Variants in ROBO1 observed in about 807,000 individuals in gnomAD.
ROBO1 encodes roundabout guidance receptor 1.
A neutral mutation model predicts 195.9 loss-of-function variants in ROBO1; 149 were observed. The ratio of observed to expected loss-of-function variants is 0.76; its 90% CI spans 0.67 to 0.87. The LOEUF is 0.87. Ranked by LOEUF, ROBO1 falls within the 40% of genes least tolerant of loss-of-function variation. The pLI, the probability that ROBO1 is intolerant of heterozygous loss-of-function variation, is 0.00. For missense variants in ROBO1, 1,933 were observed against 2,068.3 expected (o/e 0.93, Z 1.27); for synonymous variants, 816 against 733.2 (o/e 1.11, Z -1.82).
chr3:78,790,352 T>C (rs561658044), intron 4 of ROBO1, among the ~76,000 whole-genome samples: 1 of 152,296 alleles, frequency 6.6e-6, no homozygotes, highest in South Asian at 2.1e-4. Context: ...TAGGTACATA[T>C]ATATATATTT....
At chr3:79,599,067 G>A (rs967243966) in intron 1 of ROBO1, among the ~76,000 whole-genome samples, 3 of 152,020 alleles carry the variant, frequency 2.0e-5, no homozygotes, top group Non-Finnish European at 4.4e-5. Flanking sequence ...GACATATTCT[G>A]TGTACTTTAG....
At chr3:79,409,660 T>A (rs182572269) in intron 2 of ROBO1, among the ~76,000 whole-genome samples, 1 of 152,266 alleles carries the variant, frequency 6.6e-6, no homozygotes, top group Admixed American at 6.6e-5. Flanking sequence ...TGACTCAATT[T>A]TGTGTTTCCC....
chr3:79,401,147 C>G (rs1461361143), intron 2 of ROBO1, among the ~76,000 whole-genome samples: 1 of 151,294 alleles, frequency 6.6e-6, no homozygotes, highest in African/African-American at 2.4e-5. Context: ...ATTCAGTAAA[C>G]CAGAGTAGGT....
chr3:79,236,109 T>G (rs2082402409), intron 2 of ROBO1, among the ~76,000 whole-genome samples: 1 of 152,154 alleles, frequency 6.6e-6, no homozygotes, highest in Admixed American at 6.5e-5. Context: ...GTTCCACGTA[T>G]TCAATGCTAG....
chr3:79,358,437 G>A (rs899456712), intron 2 of ROBO1, among the ~76,000 whole-genome samples: 2 of 152,018 alleles, frequency 1.3e-5, no homozygotes, highest in Admixed American at 1.3e-4. Context: ...TTGATATCCT[G>A]AGAAGCTATA....
At chr3:79,546,174 T>A (rs1307884927) in intron 2 of ROBO1, among the ~76,000 whole-genome samples, 1 of 152,090 alleles carries the variant, frequency 6.6e-6, no homozygotes, top group Non-Finnish European at 1.5e-5. Context: ...GTATAGTAAA[T>A]ATTTTTCTCA....
chr3:79,140,712 A>G (rs549227090), intron 2 of ROBO1, among the ~76,000 whole-genome samples: 10 of 152,308 alleles, frequency 6.6e-5, no homozygotes, highest in Non-Finnish European at 1.0e-4. Context: ...TAATTTGCCA[A>G]TTGGGAGTTT....
chr3:78,855,284 G>A (rs2034344338), intron 4 of ROBO1, among the ~76,000 whole-genome samples: 1 of 152,132 alleles, frequency 6.6e-6, no homozygotes, highest in Admixed American at 6.6e-5. Flanking sequence ...GAGAACCTAA[G>A]TGCCCAAGTT....
intron 8 of ROBO1, among the ~76,000 whole-genome samples, chr3:78,698,420 A>G (rs1042049243): frequency 1.3e-5 from 2 of 152,338 alleles, no homozygotes; most frequent in African/African-American, 4.8e-5. Context: ...CTTTTAAGAC[A>G]TAACAATAAA....
chr3:79,243,054 G>T (rs1002042993), intron 2 of ROBO1, among the ~76,000 whole-genome samples: 27 of 136,580 alleles, frequency 2.0e-4, no homozygotes, highest in African/African-American at 7.5e-4. Flanking sequence ...TCATTGTTCA[G>T]TTCCCACCTA....
chr3:79,608,774 T>C (rs1221683357), intron 1 of ROBO1, among the ~76,000 whole-genome samples: 1 of 152,006 alleles, frequency 6.6e-6, no homozygotes, highest in Non-Finnish European at 1.5e-5. Flanking sequence ...AGTGTTTGAC[T>C]TCTTCCCTAA....
intron 3 of ROBO1, among the ~76,000 whole-genome samples, chr3:78,944,251 T>A (rs1185916165): frequency 6.6e-6 from 1 of 152,236 alleles, no homozygotes; most frequent in African/African-American, 2.4e-5. Flanking sequence ...TTAGTTAAAA[T>A]CCATAGAGAA....
At chr3:78,962,180 G>A (rs981490083) in intron 3 of ROBO1, among the ~76,000 whole-genome samples, 4 of 152,132 alleles carry the variant, frequency 2.6e-5, no homozygotes, top group African/African-American at 7.2e-5. Flanking sequence ...CAAGTTAGGA[G>A]TAAAACTTTC....
At chr3:79,754,664 T>C (rs1037387890) in intron 1 of ROBO1, among the ~76,000 whole-genome samples, 7 of 152,122 alleles carry the variant, frequency 4.6e-5, no homozygotes, top group Non-Finnish European at 1.5e-5. Context: ...AAATATAAAG[T>C]GCCTGGACCG....
intron 2 of ROBO1, among the ~76,000 whole-genome samples, chr3:79,393,575 G>A (rs1056366929): frequency 6.6e-6 from 1 of 152,078 alleles, no homozygotes; most frequent in African/African-American, 2.4e-5. Flanking sequence ...CAACATTTTT[G>A]AGAATGGGTG....
chr3:78,885,412 TAAAAAAAAAAAAAA>T (rs59912706), intron 4 of ROBO1, among the ~76,000 whole-genome samples: 1,177 of 53,806 alleles, frequency 0.022, 36 homozygotes, highest in Middle Eastern at 0.028. Context: ...AATTTAAAAC[TAAAAAAAAAAAAAA>T]AAAAAAAAAA....
At chr3:78,805,290 A>G (rs898860970) in intron 4 of ROBO1, among the ~76,000 whole-genome samples, 4 of 152,116 alleles carry the variant, frequency 2.6e-5, no homozygotes, top group Admixed American at 2.0e-4. Context: ...ATTGTGAAAT[A>G]TATTTCCCTG....
chr3:79,064,463 T>C (rs912623755), intron 3 of ROBO1, among the ~76,000 whole-genome samples: 2 of 151,922 alleles, frequency 1.3e-5, no homozygotes, highest in African/African-American at 4.8e-5. Context: ...CTAATGTTTT[T>C]CCTGTACTTC....
At chr3:79,740,655 G>A (rs1319003578) in intron 1 of ROBO1, among the ~76,000 whole-genome samples, 2 of 152,082 alleles carry the variant, frequency 1.3e-5, no homozygotes, top group East Asian at 3.9e-4. Context: ...AGAACAGTGT[G>A]GCAGAAACCG....
Sources: gnomAD v4.1 joint callset for allele counts (sites outside exome capture counted in the v4.1 genomes callset) on GRCh38, gnomAD v4.1.1 for gene constraint, MANE v1.5 for transcripts, NCBI Gene and HGNC (gene_info 2026-07-23, HGNC 2026-07-21) for gene names.